The following MTFR1 variants were observed in gnomAD, a reference collection of about 807,000 sequenced individuals.
MTFR1 encodes mitochondrial fission regulator 1, also known as chondrocyte protein with a poly-proline region.
Under a neutral mutation model 38.8 loss-of-function variants are expected in MTFR1, and 28 were observed. That is an observed-to-expected ratio of 0.72 (90% CI 0.53 to 0.99). The LOEUF (loss-of-function observed/expected upper bound fraction) is 0.99. Among genes scored for constraint, MTFR1 ranks in the 50% least tolerant of loss-of-function variants. MTFR1 has a pLI of 0.00. For synonymous variants in MTFR1, 145 were observed against 137.0 expected (o/e 1.06, Z -0.41); for missense variants, 358 against 395.5 (o/e 0.91, Z 0.81).
intron 3 of MTFR1, among the ~76,000 whole-genome samples, chr8:65,720,124 A>G (rs1292270253): frequency 2.0e-5 from 3 of 152,350 alleles, no homozygotes; most frequent in East Asian, 1.9e-4. Flanking sequence ...TTTATAAACA[A>G]TTCATATAAT....
In MTFR1 at chr8:65,704,750, C is replaced by T; in HGVS notation, c.338C>T (p.Ala113Val). The T allele has an allele frequency of 1.2e-6, 2 of 1,614,074 alleles. No homozygotes were observed. The highest frequency in any genetic ancestry group is 2.2e-5 in the East Asian group (1 of 44,864). Reference protein sequence around the residue: ...LQDDLLFFEKAPSRQISLPDL... With the variant: ...LQDDLLFFEKVPSRQISLPDL... ...GATGACCTTCTTTTCTTTGAGAAGG[C>T]CCCAAGCAGACAGATTTCCTTACCA... The change falls in exon 5 of 8, where the codon GCC becomes GTC. Residue 113 changes from alanine (A) to valine (V), a missense_variant. Physicochemically the swap from Ala to Val is moderately conservative, Grantham distance 64. Coordinates refer to ENST00000262146, the MANE Select transcript of MTFR1 (RefSeq NM_014637.4).
At chr8:65,688,287 C>T (rs1490031869) in intron 3 of MTFR1, among the ~76,000 whole-genome samples, 3 of 151,106 alleles carry the variant, frequency 2.0e-5, no homozygotes, top group African/African-American at 7.3e-5. Context: ...ATAATCCCAG[C>T]TACTTGGGAG....
intron 3 of MTFR1, among the ~76,000 whole-genome samples, chr8:65,740,716 T>G (rs1807385937): frequency 6.6e-6 from 1 of 152,116 alleles, no homozygotes; most frequent in Non-Finnish European, 1.5e-5. Flanking sequence ...TCCCTTTCTT[T>G]CAAAAGCCAA....
intron 1 of MTFR1, among the ~76,000 whole-genome samples, chr8:65,652,217 G>GT (rs1809142097): frequency 6.6e-6 from 1 of 151,856 alleles, no homozygotes; most frequent in South Asian, 2.1e-4. Context: ...AGCAACTCTC[G>GT]TACCTCAACC....
At position 65,682,355 on chromosome 8, in the gene MTFR1, A is replaced by G. The variant is rs1210795958; in HGVS notation, c.69A>G (p.Val23=). ...TTCGGTTTTTCCTACTTCCTCAGGT[A>G]CTTTGGTCTAGGAAGCCATATGGTT... ...FQQVGVSMQS[V]LWSRKPYGSS... Residue 23 remains valine (V), a splice_region_variant and synonymous_variant, in exon 3 of 8, where the codon GTA becomes GTG. Coordinates refer to ENST00000262146, the MANE Select transcript of MTFR1 (RefSeq NM_014637.4). 62 of 1,542,460 alleles carry G rather than the reference A, an allele frequency of 4.0e-5. No homozygotes were observed. The highest frequency in any genetic ancestry group is 5.4e-5 in the Non-Finnish European group (62 of 1,140,342).
At chr8:65,704,047 G>C (rs1563457100) in intron 4 of MTFR1, among the ~76,000 whole-genome samples, 1 of 152,026 alleles carries the variant, frequency 6.6e-6, no homozygotes. Flanking sequence ...CCCTATCTGG[G>C]CTCTTAAACC....
At chr8:65,754,323 T>A (rs549234162) in intron 3 of MTFR1, among the ~76,000 whole-genome samples, 1 of 152,218 alleles carries the variant, frequency 6.6e-6, no homozygotes, top group Admixed American at 6.5e-5. Context: ...GGTAACACCC[T>A]CACAGACACA....
intron 3 of MTFR1, among the ~76,000 whole-genome samples, chr8:65,770,072 T>G (rs1272283666): frequency 1.3e-5 from 2 of 152,114 alleles, no homozygotes; most frequent in Non-Finnish European, 2.9e-5. Context: ...GAACACTCTA[T>G]TCTCAGATAT....
At chr8:65,700,337 C>A (rs1056086058) in intron 4 of MTFR1, among the ~76,000 whole-genome samples, 9 of 131,368 alleles carry the variant, frequency 6.9e-5, no homozygotes, top group African/African-American at 2.6e-4. Context: ...AGCAATGGAT[C>A]GAGACCTATC....
At chr8:65,776,990 G>C in the MTFR1 span, among the ~76,000 whole-genome samples, 1 of 151,502 alleles carries the variant, frequency 6.6e-6, no homozygotes, top group South Asian at 2.1e-4. Flanking sequence ...GGGTTTTGTA[G>C]CTAATGTTTC....
chr8:65,683,129 T>C (rs2129053736), intron 3 of MTFR1, among the ~76,000 whole-genome samples: 1 of 145,916 alleles, frequency 6.9e-6, no homozygotes, highest in East Asian at 1.9e-4. Context: ...TGTTTCTTTC[T>C]TTCTTTTTTT....
At chr8:65,769,518 T>G (rs1018678654) in intron 3 of MTFR1, among the ~76,000 whole-genome samples, 5 of 152,168 alleles carry the variant, frequency 3.3e-5, no homozygotes, top group African/African-American at 1.2e-4. Flanking sequence ...ACAAGTTAGT[T>G]TCAAAATGTC....
intron 3 of MTFR1, among the ~76,000 whole-genome samples, chr8:65,763,772 G>C (rs1808630046): frequency 6.6e-6 from 1 of 152,196 alleles, no homozygotes; most frequent in Admixed American, 6.5e-5. Flanking sequence ...AAGTCTTAAT[G>C]CAGTTCCTTC....
chr8:65,725,784 T>C (rs1806582598), intron 3 of MTFR1, among the ~76,000 whole-genome samples: 1 of 152,098 alleles, frequency 6.6e-6, no homozygotes, highest in South Asian at 2.1e-4. Flanking sequence ...ATCTGAGAAC[T>C]CAACAGGGTT....
At chr8:65,745,047 A>C (rs562601421) in intron 3 of MTFR1, among the ~76,000 whole-genome samples, 8 of 152,270 alleles carry the variant, frequency 5.3e-5, no homozygotes, top group African/African-American at 1.9e-4. Flanking sequence ...TTTCCCCCAC[A>C]CTGTTCTTGT....
chr8:65,703,206 GTC>G (rs1259856383), intron 4 of MTFR1, among the ~76,000 whole-genome samples: 2 of 151,432 alleles, frequency 1.3e-5, no homozygotes, highest in Non-Finnish European at 2.9e-5. Context: ...GTGAGACCCT[GTC>G]TCTTAAAAAA....
intron 3 of MTFR1, chr8:65,723,692 A>C: frequency 9.4e-7 from 1 of 1,065,546 alleles, no homozygotes; most frequent in Non-Finnish European, 1.3e-6. Context: ...TAAAGGCTTG[A>C]ACATACCTGT....
intron 3 of MTFR1, chr8:65,745,527 G>C: frequency 1.1e-6 from 1 of 941,722 alleles, no homozygotes; most frequent in Non-Finnish European, 1.7e-6. Flanking sequence ...ATTGTCTTTT[G>C]GAGATATTCC....
intron 1 of MTFR1, among the ~76,000 whole-genome samples, chr8:65,660,291 C>CAAAA (rs1358969347): frequency 0.014 from 967 of 67,350 alleles, 15 homozygotes; most frequent in African/African-American, 0.019. Flanking sequence ...AACTCTGTCT[C>CAAAA]AAAAAAAAAA....
Sources: allele counts gnomAD v4.1 joint callset (sites outside exome capture counted in the v4.1 genomes callset), GRCh38; gene constraint gnomAD v4.1.1; transcripts MANE v1.5; gene names NCBI Gene and HGNC (gene_info 2026-07-23, HGNC 2026-07-21).